Variants in RC3H2 observed in about 807,000 individuals in gnomAD.
The protein encoded by RC3H2 is ring finger and CCCH-type domains 2, also known as roquin-2.
RC3H2 carries 31 observed loss-of-function variants against 133.3 expected under a neutral mutation model. The observed-to-expected ratio is 0.23, with a 90% CI of 0.17 to 0.31. The LOEUF is 0.31. Ranked by LOEUF, RC3H2 falls within the 10% of genes least tolerant of loss-of-function variation. RC3H2 has a pLI of 1.00. For missense variants in RC3H2, 1,175 were observed against 1,437.2 expected (o/e 0.82, Z 2.95); for synonymous variants, 517 against 502.2 (o/e 1.03, Z -0.40).
intron 4 of RC3H2, among the ~76,000 whole-genome samples, chr9:122,888,177 A>G (rs746153702): frequency 2.6e-5 from 4 of 152,200 alleles, no homozygotes; most frequent in Non-Finnish European, 4.4e-5. Flanking sequence ...GAACAATATG[A>G]CAAACAAATA....
intron 9 of RC3H2, among the ~76,000 whole-genome samples, chr9:122,870,422 A>C (rs930038545): frequency 5.3e-5 from 8 of 151,682 alleles, no homozygotes; most frequent in African/African-American, 9.7e-5. Flanking sequence ...ACAAAAAAAA[A>C]ACAACAAACT....
At chr9:122,879,307 T>C (rs911955672) in intron 8 of RC3H2, among the ~76,000 whole-genome samples, 2 of 151,644 alleles carry the variant, frequency 1.3e-5, no homozygotes, top group African/African-American at 4.8e-5. Context: ...GGCAGGAGAA[T>C]CACCTGAACT....
intron 18 of RC3H2, among the ~76,000 whole-genome samples, chr9:122,852,543 G>GC (rs1249054880): frequency 1.4e-5 from 2 of 147,126 alleles, no homozygotes; most frequent in East Asian, 2.1e-4. Context: ...GGGGGGGTCA[G>GC]CCCCCCGCCC....
chr9:122,858,546 G>A (rs746127369), intron 12 of RC3H2, 123 bp downstream of exon 12: 1 of 704,166 alleles, frequency 1.4e-6, no homozygotes, highest in Non-Finnish European at 2.4e-6. Flanking sequence ...GAGGCATAGG[G>A]AGGTCAAGTA....
At chr9:122,880,836 T>C (rs1831585278) in intron 5 of RC3H2, 42 bp from the exon 6 acceptor site, 1 of 1,447,904 alleles carries the variant, frequency 6.9e-7, no homozygotes, top group Non-Finnish European at 9.7e-7. Context: ...GGTCTGTGCT[T>C]TCTCCCTTCA....
rs191789437 is a variant in RC3H2, at chr9:122,890,393, A to G, written c.502T>C (p.Leu168=). 3.0e-5 allele frequency: 48 copies of G among 1,614,108 alleles called. No homozygotes were observed. The Admixed American group carries it at 3.3e-4, about 11-fold the overall frequency. The change falls in exon 4 of 21, where the codon TTA becomes CTA. Residue 168 remains leucine (L), a synonymous_variant. Coordinates refer to ENST00000357244, the MANE Select transcript of RC3H2 (RefSeq NM_001100588.3). ...AACTGCTGAGGGTTCTGGTGCTGTAATATCAGTTCTGTTACAGTTCTTTCT... is the reference window on the plus strand; with the variant it reads ...AACTGCTGAGGGTTCTGGTGCTGTAGTATCAGTTCTGTTACAGTTCTTTCT... ...LGERTVTELI[L]QHQNPQQLSA... is the part of the protein sequence containing the mutation.
chr9:122,864,653 C>T (rs569997192), intron 10 of RC3H2, among the ~76,000 whole-genome samples: 2 of 151,658 alleles, frequency 1.3e-5, no homozygotes, highest in Admixed American at 1.3e-4. Flanking sequence ...CAGTGTCTCA[C>T]TCTGTTGCCC....
At chr9:122,890,849 A>G (rs1195710893) in intron 3 of RC3H2, among the ~76,000 whole-genome samples, 1 of 152,136 alleles carries the variant, frequency 6.6e-6, no homozygotes, top group Non-Finnish European at 1.5e-5. Flanking sequence ...GTACCTATGT[A>G]AGAATATTGC....
At chr9:122,901,295 G>A (rs757112493) in intron 1 of RC3H2, among the ~76,000 whole-genome samples, 6 of 152,072 alleles carry the variant, frequency 3.9e-5, no homozygotes, top group Non-Finnish European at 7.4e-5. Context: ...TCCCCGTTTA[G>A]AAAACTTAAA....
At chr9:122,858,298 C>G (rs1830327264) in intron 12 of RC3H2, among the ~76,000 whole-genome samples, 1 of 152,196 alleles carries the variant, frequency 6.6e-6, no homozygotes, top group Admixed American at 6.5e-5. Flanking sequence ...TGAGCACTCA[C>G]TTTTCTTGCT....
intron 3 of RC3H2, among the ~76,000 whole-genome samples, chr9:122,892,322 A>T (rs571293197): frequency 6.6e-6 from 1 of 152,282 alleles, no homozygotes; most frequent in African/African-American, 2.4e-5. Flanking sequence ...CTTGTTGCCC[A>T]GGCTGGTCTC....
intron 5 of RC3H2, among the ~76,000 whole-genome samples, chr9:122,882,589 C>T (rs1831694932): frequency 6.6e-6 from 1 of 152,218 alleles, no homozygotes; most frequent in Non-Finnish European, 1.5e-5. Context: ...CATAAAAACA[C>T]TTTAAGGATT....
chr9:122,852,983 G>C (rs953055210), intron 18 of RC3H2, among the ~76,000 whole-genome samples: 3 of 152,196 alleles, frequency 2.0e-5, no homozygotes, highest in Admixed American at 1.3e-4. Flanking sequence ...GATGGTAGCC[G>C]TGTCTGTGTA....
intron 13 of RC3H2, among the ~76,000 whole-genome samples, chr9:122,857,144 T>C (rs527861637): frequency 3.3e-5 from 5 of 152,318 alleles, no homozygotes; most frequent in South Asian, 2.1e-4. Context: ...AACCTGGGTG[T>C]TGGGTACATG....
At chr9:122,850,187 C>T (rs576938918) in intron 20 of RC3H2, among the ~76,000 whole-genome samples, 1 of 152,174 alleles carries the variant, frequency 6.6e-6, no homozygotes, top group African/African-American at 2.4e-5. Flanking sequence ...GTTGGCCAGG[C>T]TGGTCTAGAA....
chr9:122,890,541 T>A lies in RC3H2; in HGVS notation c.354A>T (p.Val118=). ...YLKPLSGGKG[V]ASLNQSALSR... is the part of the protein sequence containing the mutation. ...TCAGTGCACTCTGGTTCAAGCTAGC[T>A]ACACCTTTAGGAAAAGGGAAACAAA... is the stretch of plus-strand genomic sequence containing the variant. Residue 118 remains valine, a synonymous_variant, in exon 4 of 21, where the codon GTA becomes GTT. Coordinates refer to ENST00000357244, the MANE Select transcript of RC3H2 (RefSeq NM_001100588.3). 6.2e-7 allele frequency: 1 copy of A among 1,605,000 alleles called. No individual in the cohort carries two copies. The highest frequency in any genetic ancestry group is 2.2e-5 in the East Asian group (1 of 44,678).
chr9:122,861,418 A>G (rs1830449897), intron 10 of RC3H2, among the ~76,000 whole-genome samples: 1 of 148,368 alleles, frequency 6.7e-6, no homozygotes. Flanking sequence ...TGAACCCAGG[A>G]GGCGGAGGTT....
At position 122,881,109 on chromosome 9, in the gene RC3H2, G is replaced by C. The variant is rs149233614; in HGVS notation, c.760-315C>G. ...GGAAAGGGAATTAAATTAGGGAGAA[G>C]AAAGGGATTTCAGAAAAGGCTTCTC... is the stretch of plus-strand genomic sequence containing the variant. On this transcript the variant is annotated intron_variant, in intron 5 of 20. Coordinates refer to ENST00000357244, the MANE Select transcript of RC3H2 (RefSeq NM_001100588.3). 3.9e-4 allele frequency among the ~76,000 whole-genome samples: 59 copies of C among 152,298 alleles called. No homozygotes were observed. The East Asian group carries it at 8.3e-3, about 21-fold the overall frequency.
chr9:122,866,686 C>T (rs1032721755), intron 9 of RC3H2, among the ~76,000 whole-genome samples: 3 of 151,840 alleles, frequency 2.0e-5, no homozygotes, highest in East Asian at 1.9e-4. Context: ...GGATTGCAGA[C>T]GATGTCTGGT....
Sources: gnomAD v4.1 joint callset for allele counts (sites outside exome capture counted in the v4.1 genomes callset) on GRCh38, gnomAD v4.1.1 for gene constraint, MANE v1.5 for transcripts, NCBI Gene and HGNC (gene_info 2026-07-23, HGNC 2026-07-21) for gene names.